The following GPM6B variants were observed in gnomAD, a reference collection of about 807,000 sequenced individuals.
GPM6B encodes the protein neuronal membrane glycoprotein M6-b.
Under a neutral mutation model 27.2 loss-of-function variants are expected in GPM6B, and 4 were observed. The observed-to-expected ratio is 0.15, with a 90% CI of 0.07 to 0.34. The LOEUF is 0.34. Among genes scored for constraint, GPM6B ranks in the 10% least tolerant of loss-of-function variants. The pLI is 1.00. For synonymous variants in GPM6B, 124 were observed against 103.1 expected, an observed-to-expected ratio of 1.20 and a Z score of -1.23; for missense variants, 183 against 261.9, an observed-to-expected ratio of 0.70 and a Z score of 2.08.
intron 1 of GPM6B, among the ~76,000 whole-genome samples, chrX:13,877,153 A>T (rs187614645): frequency 8.9e-6 from 1 of 111,749 alleles, no homozygotes; most frequent in East Asian, 2.8e-4. Flanking sequence ...AGATGATTAG[A>T]GCAGCTCTCA....
At chrX:13,870,596 A>G (rs6633401) in intron 1 of GPM6B, among the ~76,000 whole-genome samples, 33,343 of 111,343 alleles carry the variant, frequency 0.3, 3,893 homozygotes, top group East Asian at 0.64. Flanking sequence ...ACTGAGGGTT[A>G]TATGAACACA....
chrX:13,777,151 T>G (rs935953930), intron 6 of GPM6B, among the ~76,000 whole-genome samples: 1 of 111,903 alleles, frequency 8.9e-6, no homozygotes, highest in Non-Finnish European at 1.9e-5. Context: ...ACCAAATGTG[T>G]TGGACCATAT....
At chrX:13,827,271 C>CTTTTTTT (rs1173680918) in intron 1 of GPM6B, among the ~76,000 whole-genome samples, 8 of 73,643 alleles carry the variant, frequency 1.1e-4, no homozygotes, top group Admixed American at 1.5e-4. Flanking sequence ...TACCGACTTC[C>CTTTTTTT]TTTTTTTTTT....
chrX:13,935,715 C>A (rs769540460), intron 1 of GPM6B, among the ~76,000 whole-genome samples: 1 of 111,983 alleles, frequency 8.9e-6, no homozygotes, highest in Non-Finnish European at 1.9e-5. Flanking sequence ...TTGGGCAATG[C>A]AAGTTCCTAT....
chrX:13,870,247 C>A (rs763739791), intron 1 of GPM6B, among the ~76,000 whole-genome samples: 27 of 103,490 alleles, frequency 2.6e-4, no homozygotes, highest in African/African-American at 8.4e-4. Flanking sequence ...TGCCACAAGT[C>A]GAATTTAAGA....
intron 1 of GPM6B, among the ~76,000 whole-genome samples, chrX:13,874,204 T>C (rs748835981): frequency 8.0e-5 from 9 of 111,945 alleles, no homozygotes; most frequent in South Asian, 7.4e-4. Flanking sequence ...AAATGAAACA[T>C]TTTCATTTTT....
chrX:13,836,246 T>C lies in GPM6B; in HGVS notation c.-197-50438A>G, dbSNP rs140056912. Among the ~76,000 whole-genome samples the C allele has an allele frequency of 7.8e-3, 869 of 111,682 alleles. 8 individuals carry two copies. Among genetic ancestry groups the C allele is most frequent in the African/African-American group, 0.026 (804 of 30,791 alleles). ...ACAACTTCAATCAGAAAAAAATTAA[T>C]GGTAACTTAAATGGGTTGTGTGATT... On this transcript the variant is annotated intron_variant, in intron 1 of 6. Transcript: ENST00000398361.
intron 1 of GPM6B, among the ~76,000 whole-genome samples, chrX:13,822,363 ATTTTT>A (rs58011078): frequency 9.8e-6 from 1 of 102,254 alleles, no homozygotes; most frequent in East Asian, 3.0e-4. Context: ...AGTGACTCCT[ATTTTT>A]TTTTTTTCTT....
intron 1 of GPM6B, among the ~76,000 whole-genome samples, chrX:13,846,722 T>G (rs1000866657): frequency 3.7e-5 from 4 of 108,175 alleles, no homozygotes; most frequent in Admixed American, 3.0e-4. Context: ...CTCGATCTCC[T>G]GACCTTATGA....
At chrX:13,845,232 C>T (rs1195246033) in intron 1 of GPM6B, among the ~76,000 whole-genome samples, 1 of 111,354 alleles carries the variant, frequency 9.0e-6, no homozygotes, top group Non-Finnish European at 1.9e-5. Context: ...TCAGGTGATC[C>T]ACCTACCTGG....
chrX:13,875,775 G>A (rs764804581), intron 1 of GPM6B, among the ~76,000 whole-genome samples: 1 of 112,303 alleles, frequency 8.9e-6, no homozygotes, highest in East Asian at 2.8e-4. Flanking sequence ...AGACACGGTA[G>A]GCCACATGTT....
chrX:13,908,014 T>C (rs1412327491), intron 1 of GPM6B, among the ~76,000 whole-genome samples: 1 of 112,155 alleles, frequency 8.9e-6, no homozygotes, highest in East Asian at 2.8e-4. Context: ...TTGAAACCAC[T>C]TAATGTGTTG....
intron 2 of GPM6B, among the ~76,000 whole-genome samples, chrX:13,802,605 T>C (rs1012595392): frequency 9.0e-6 from 1 of 110,856 alleles, no homozygotes; most frequent in African/African-American, 3.3e-5. Flanking sequence ...AACTATAAAA[T>C]CGTTAACTGC....
intron 1 of GPM6B, among the ~76,000 whole-genome samples, chrX:13,927,171 A>G (rs1463148475): frequency 1.8e-5 from 2 of 111,363 alleles, no homozygotes; most frequent in Non-Finnish European, 3.8e-5. Flanking sequence ...AACATAAAAA[A>G]AAAAACAATG....
chrX:13,803,651 T>C (rs1030741224), intron 2 of GPM6B, among the ~76,000 whole-genome samples: 3 of 112,318 alleles, frequency 2.7e-5, no homozygotes, highest in African/African-American at 9.7e-5. Context: ...CTATATTTAG[T>C]CACGGCATCT....
chrX:13,852,214 T>A (rs1168732387), intron 1 of GPM6B, among the ~76,000 whole-genome samples: 1 of 111,458 alleles, frequency 9.0e-6, no homozygotes, highest in African/African-American at 3.3e-5. Flanking sequence ...TGTAAAACAA[T>A]GGACATGACT....
At chrX:13,804,433 C>T (rs6629382) in intron 2 of GPM6B, among the ~76,000 whole-genome samples, 5 of 4,016 alleles carry the variant, frequency 1.2e-3, no homozygotes, top group African/African-American at 3.8e-3. Context: ...GGGCGGGGGG[C>T]GGGGGTAGCC....
intron 2 of GPM6B, among the ~76,000 whole-genome samples, chrX:13,802,859 G>T (rs1213792000): frequency 9.0e-6 from 1 of 111,602 alleles, no homozygotes; most frequent in Non-Finnish European, 1.9e-5. Flanking sequence ...AGCTACAAAA[G>T]CTTCTGCAAC....
intron 1 of GPM6B, among the ~76,000 whole-genome samples, chrX:13,935,790 C>G (rs974851186): frequency 3.6e-5 from 4 of 112,331 alleles, no homozygotes; most frequent in African/African-American, 6.5e-5. Flanking sequence ...TGCACTCTCA[C>G]TCACCTTCAC....
Sources: allele counts gnomAD v4.1 joint callset (sites outside exome capture counted in the v4.1 genomes callset), GRCh38; gene constraint gnomAD v4.1.1; transcripts MANE v1.5; gene names NCBI Gene and HGNC (gene_info 2026-07-23, HGNC 2026-07-21).